The following RIMS1 variants were observed in gnomAD, a reference collection of about 807,000 sequenced individuals.
RIMS1 encodes the protein regulating synaptic membrane exocytosis 1.
RIMS1 carries 83 observed loss-of-function variants against 214.1 expected under a neutral mutation model. The ratio of observed to expected loss-of-function variants is 0.39; its 90% CI spans 0.32 to 0.47. The LOEUF is 0.47. Among genes scored for constraint, RIMS1 ranks in the 20% least tolerant of loss-of-function variants. RIMS1 has a pLI of 0.99. For synonymous variants in RIMS1, 793 were observed against 786.8 expected, an observed-to-expected ratio of 1.01 and a Z score of -0.13; for missense variants, 2,050 against 2,161.8, an observed-to-expected ratio of 0.95 and a Z score of 1.03.
intron 9 of RIMS1, 145 bp downstream of exon 9, chr6:72,238,067 T>A: frequency 2.2e-6 from 1 of 453,184 alleles, no homozygotes; most frequent in Admixed American, 4.0e-5. Context: ...TAAATTTTAA[T>A]GCACGAATAA....
intron 2 of RIMS1, among the ~76,000 whole-genome samples, chr6:72,057,099 C>A (rs1454947404): frequency 1.3e-5 from 2 of 152,092 alleles, no homozygotes; most frequent in African/African-American, 2.4e-5. Context: ...ATAATCTGTA[C>A]AACAAACCCC....
rs2082510200 is a variant in RIMS1 at position 72,270,485 on chromosome 6, G to T, written c.3399-3864G>T. On this transcript the variant is annotated intron_variant, in intron 22 of 33. Transcript: ENST00000521978. The stretch of plus-strand genomic sequence containing the variant: ...AATCGTTCATTTGGGGAGTTTAGGG[G>T]CTTAAAAAACACCTTCTACTTTTCA... 2.0e-5 allele frequency among the ~76,000 whole-genome samples: 3 copies of T among 152,192 alleles called. 1 individual carries two copies. Among genetic ancestry groups the T allele is most frequent in the South Asian group, 4.2e-4 (2 of 4,816 alleles).
intron 13 of RIMS1, 28 bp downstream of exon 13, chr6:72,250,488 T>A (rs2072734777): frequency 7.0e-7 from 1 of 1,428,836 alleles, no homozygotes. Flanking sequence ...AAAAAAAAAA[T>A]CTTAAAATCT....
intron 19 of RIMS1, chr6:72,263,019 A>T (rs945684660): frequency 1.3e-6 from 1 of 767,948 alleles, no homozygotes; most frequent in African/African-American, 1.9e-5. Context: ...TTATTTTACG[A>T]CTAATAGAGT....
At chr6:72,025,358 G>T (rs1816106333) in intron 2 of RIMS1, among the ~76,000 whole-genome samples, 1 of 152,178 alleles carries the variant, frequency 6.6e-6, no homozygotes, top group South Asian at 2.1e-4. Flanking sequence ...GAAGTGAAGG[G>T]ATTTACTCAC....
intron 29 of RIMS1, among the ~76,000 whole-genome samples, chr6:72,383,297 G>T (rs1397153844): frequency 6.6e-6 from 1 of 152,158 alleles, no homozygotes; most frequent in Non-Finnish European, 1.5e-5. Flanking sequence ...ACTATGAAAT[G>T]GTTGATGGGT....
chr6:72,000,855 T>C (rs566385196), intron 2 of RIMS1, among the ~76,000 whole-genome samples: 5 of 152,292 alleles, frequency 3.3e-5, no homozygotes, highest in African/African-American at 1.2e-4. Context: ...TCCTCCTCAA[T>C]AATCCTTCCC....
intron 4 of RIMS1, among the ~76,000 whole-genome samples, chr6:72,103,414 G>T (rs898798773): frequency 6.6e-6 from 1 of 151,972 alleles, no homozygotes; most frequent in Non-Finnish European, 1.5e-5. Flanking sequence ...TCAAAGTTCT[G>T]GTTAGTCTTG....
chr6:71,992,633 T>C (rs926292050), intron 2 of RIMS1, among the ~76,000 whole-genome samples: 45 of 150,288 alleles, frequency 3.0e-4, no homozygotes, highest in Non-Finnish European at 5.3e-4. Flanking sequence ...CTTCTTCCTC[T>C]TCTTCCTCTT....
chr6:72,331,290 A>T (rs1030323963), intron 28 of RIMS1, among the ~76,000 whole-genome samples: 1 of 151,814 alleles, frequency 6.6e-6, no homozygotes, highest in African/African-American at 2.4e-5. Flanking sequence ...TTCCATCTTT[A>T]TGGAAATAAT....
Position 71,904,946 on chromosome 6 carries a change from A to G in RIMS1, c.164+17759A>G, listed in dbSNP as rs115126871. On this transcript the variant is annotated intron_variant, in intron 1 of 33. Transcript: ENST00000521978. ...TTGGTTTCATGAAATCGTTAGCTCTATAAGATTTCATTTCACTAATTTTTT... is the reference window on the plus strand; with the variant it reads ...TTGGTTTCATGAAATCGTTAGCTCTGTAAGATTTCATTTCACTAATTTTTT... 3.4e-3 allele frequency among the ~76,000 whole-genome samples: 522 copies of G among 152,292 alleles called. 3 individuals carry two copies. The highest frequency in any genetic ancestry group is 0.012 in the African/African-American group (492 of 41,578).
intron 23 of RIMS1, among the ~76,000 whole-genome samples, chr6:72,279,179 ATTAG>A (rs2088597008): frequency 6.6e-6 from 1 of 152,008 alleles, no homozygotes; most frequent in Non-Finnish European, 1.5e-5. Flanking sequence ...CCTAACTGAA[ATTAG>A]TTATTGAAAA....
intron 6 of RIMS1, among the ~76,000 whole-genome samples, chr6:72,226,849 G>A (rs527746607): frequency 2.0e-5 from 3 of 152,090 alleles, no homozygotes; most frequent in East Asian, 3.9e-4. Flanking sequence ...CTAACACCAC[G>A]ATTTCATATT....
intron 2 of RIMS1, among the ~76,000 whole-genome samples, chr6:72,040,114 A>G (rs563222322): frequency 1.3e-4 from 20 of 152,090 alleles, no homozygotes; most frequent in South Asian, 2.1e-4. Context: ...GTTAGGCTCT[A>G]TGATACTGGA....
chr6:72,293,919 G>A (rs1033035811), intron 26 of RIMS1, among the ~76,000 whole-genome samples: 1 of 151,632 alleles, frequency 6.6e-6, no homozygotes, highest in Non-Finnish European at 1.5e-5. Context: ...TATTTAATAT[G>A]ACAAATACAC....
intron 29 of RIMS1, among the ~76,000 whole-genome samples, chr6:72,363,278 T>C (rs2097884565): frequency 6.6e-6 from 1 of 151,450 alleles, no homozygotes; most frequent in Non-Finnish European, 1.5e-5. Context: ...AAAAGTAGAG[T>C]ATAGGGAGAA....
intron 2 of RIMS1, among the ~76,000 whole-genome samples, chr6:71,995,796 AT>A (rs533346761): frequency 4.0e-5 from 6 of 150,822 alleles, no homozygotes; most frequent in East Asian, 3.9e-4. Flanking sequence ...CTATTCACAT[AT>A]TTTTTTTTAG....
chr6:72,071,916 A>G (rs1456409444), intron 2 of RIMS1, among the ~76,000 whole-genome samples: 5 of 152,266 alleles, frequency 3.3e-5, no homozygotes, highest in African/African-American at 4.8e-5. Flanking sequence ...CAGTCTTCAA[A>G]TATTTGGATT....
intron 6 of RIMS1, among the ~76,000 whole-genome samples, chr6:72,190,173 G>A (rs1472188547): frequency 6.6e-6 from 1 of 152,106 alleles, no homozygotes; most frequent in African/African-American, 2.4e-5. Flanking sequence ...CTAGAAAGGG[G>A]GTGTAGTAGG....
Sources: allele counts gnomAD v4.1 joint callset (sites outside exome capture counted in the v4.1 genomes callset), GRCh38; gene constraint gnomAD v4.1.1; transcripts MANE v1.5; gene names NCBI Gene and HGNC (gene_info 2026-07-23, HGNC 2026-07-21).